The following EYS variants were observed in gnomAD, a reference collection of about 807,000 sequenced individuals.
EYS encodes the protein EGF-like photoreceptor maintenance factor.
A neutral mutation model predicts 282.1 loss-of-function variants in EYS; 250 were observed. The observed-to-expected ratio is 0.89, with a 90% CI of 0.80 to 0.98. The LOEUF is 0.98. Among genes scored for constraint, EYS ranks in the 50% least tolerant of loss-of-function variants. The pLI, the probability that EYS is intolerant of heterozygous loss-of-function variation, is 0.00. For synonymous variants in EYS, 1,355 were observed against 1,282.9 expected, an observed-to-expected ratio of 1.06 and a Z score of -1.20; for missense variants, 4,016 against 3,709.0, an observed-to-expected ratio of 1.08 and a Z score of -2.15.
intron 31 of EYS, among the ~76,000 whole-genome samples, chr6:64,152,994 T>C (rs886868326): frequency 9.2e-5 from 14 of 152,174 alleles, no homozygotes; most frequent in African/African-American, 3.4e-4. Flanking sequence ...TGCAAAGCCT[T>C]ATCTCACATC....
intron 12 of EYS, among the ~76,000 whole-genome samples, chr6:65,268,566 G>A (rs1303193002): frequency 6.6e-6 from 1 of 152,016 alleles, no homozygotes; most frequent in Non-Finnish European, 1.5e-5. Context: ...TGAAGATAGG[G>A]AGAATAATAG....
intron 1 of EYS, among the ~76,000 whole-genome samples, chr6:65,663,931 G>A (rs1204851096): frequency 6.9e-6 from 1 of 144,300 alleles, no homozygotes; most frequent in African/African-American, 2.6e-5. Flanking sequence ...GAGTGTAGTG[G>A]CGCAATCTCG....
At chr6:64,397,913 T>G (rs537691781) in intron 28 of EYS, among the ~76,000 whole-genome samples, 1 of 152,146 alleles carries the variant, frequency 6.6e-6, no homozygotes, top group Admixed American at 6.6e-5. Context: ...CTATTTTTCA[T>G]TATTATCTGT....
intron 26 of EYS, among the ~76,000 whole-genome samples, chr6:64,463,943 G>C (rs1775838752): frequency 6.6e-6 from 1 of 152,154 alleles, no homozygotes; most frequent in South Asian, 2.1e-4. Context: ...CGTGAAGCTA[G>C]CATTATCCCA....
At chr6:64,462,945 T>G (rs1260021199) in intron 26 of EYS, among the ~76,000 whole-genome samples, 1 of 134,924 alleles carries the variant, frequency 7.4e-6, no homozygotes, top group Non-Finnish European at 1.6e-5. Flanking sequence ...AGCTTTAATT[T>G]TTTTTTTTTT....
chr6:64,795,515 T>C (rs7751369), intron 22 of EYS, among the ~76,000 whole-genome samples: 11,966 of 152,252 alleles, frequency 0.079, 585 homozygotes, highest in African/African-American at 0.14. Flanking sequence ...GGACTGCTAT[T>C]GGGTACTTCA....
chr6:65,242,072 T>A (rs567719772), intron 12 of EYS, among the ~76,000 whole-genome samples: 1 of 152,254 alleles, frequency 6.6e-6, no homozygotes, highest in East Asian at 1.9e-4. Context: ...GTATAATGAC[T>A]CCATTACACT....
chr6:64,025,199 G>A, intron 33 of EYS, among the ~76,000 whole-genome samples: 1 of 73,894 alleles, frequency 1.4e-5, no homozygotes, highest in South Asian at 4.1e-4. Flanking sequence ...GGCTTTCTGG[G>A]AAAGGGCTCT....
chr6:65,664,566 G>A (rs1361797085), intron 1 of EYS, among the ~76,000 whole-genome samples: 3 of 152,064 alleles, frequency 2.0e-5, no homozygotes, highest in Admixed American at 6.6e-5. Context: ...GAAGACAATG[G>A]CATTAATAAG....
chr6:64,066,380 T>A lies in EYS; in HGVS notation c.6683A>T (p.Asn2228Ile). The change falls in exon 33 of 43, where the codon AAT becomes ATT. Residue 2228 changes from asparagine (N) to isoleucine (I), a missense_variant. By Grantham distance (149) the Asn-to-Ile change is moderately radical (BLOSUM62 -3). Transcript: ENST00000503581. Reference protein sequence around the residue: ...NSQNILTVSANYSINTNAFTP... With the variant: ...NSQNILTVSAIYSINTNAFTP... ...GAATGCATTTGTGTTAATGCTGTAATTAGCAGAAACAGTCAAAATATTTTG... is the reference window on the plus strand; with the variant it reads ...GAATGCATTTGTGTTAATGCTGTAAATAGCAGAAACAGTCAAAATATTTTG... 1 of 1,551,608 alleles carries A rather than the reference T, an allele frequency of 6.4e-7. No individual in the cohort carries two copies. Among genetic ancestry groups the A allele is most frequent in the Non-Finnish European group, 8.7e-7 (1 of 1,146,714 alleles).
At chr6:64,940,612 G>A (rs1769056933) in intron 15 of EYS, among the ~76,000 whole-genome samples, 1 of 151,974 alleles carries the variant, frequency 6.6e-6, no homozygotes, top group Non-Finnish European at 1.5e-5. Context: ...TCACAAAAAT[G>A]TCTCTGGGTC....
At chr6:64,431,698 T>C (rs151158850) in intron 28 of EYS, among the ~76,000 whole-genome samples, 1,756 of 152,252 alleles carry the variant, frequency 0.012, 14 homozygotes, top group Middle Eastern at 0.024. Context: ...ACTGTGGCAT[T>C]TGATGACCTA....
chr6:65,151,027 A>G (rs889250883), intron 12 of EYS, among the ~76,000 whole-genome samples: 4 of 152,052 alleles, frequency 2.6e-5, no homozygotes, highest in African/African-American at 9.7e-5. Context: ...TTGAGTTTAC[A>G]ATATTTGATA....
chr6:65,460,609 C>T (rs1403442387), intron 5 of EYS, among the ~76,000 whole-genome samples: 2 of 151,954 alleles, frequency 1.3e-5, no homozygotes, highest in African/African-American at 2.4e-5. Context: ...TTCATGCTGA[C>T]GTAGAGCCAA....
chr6:65,544,346 T>C (rs565316212), intron 2 of EYS, among the ~76,000 whole-genome samples: 1 of 152,310 alleles, frequency 6.6e-6, no homozygotes, highest in East Asian at 1.9e-4. Flanking sequence ...CCGGTAACTT[T>C]GGCTAAAATT....
At chr6:65,138,160 G>C (rs1448001348) in intron 12 of EYS, among the ~76,000 whole-genome samples, 1 of 152,042 alleles carries the variant, frequency 6.6e-6, no homozygotes, top group Admixed American at 6.6e-5. Flanking sequence ...GAGAGGATTT[G>C]AGTCCTATTG....
intron 22 of EYS, among the ~76,000 whole-genome samples, chr6:64,792,167 G>C (rs1326159472): frequency 1.3e-5 from 2 of 151,650 alleles, no homozygotes; most frequent in Non-Finnish European, 3.0e-5. Context: ...ATGTCAGGTG[G>C]ATATAACTTG....
At chr6:63,863,267 T>A (rs1358216509) in intron 36 of EYS, among the ~76,000 whole-genome samples, 1 of 152,238 alleles carries the variant, frequency 6.6e-6, no homozygotes, top group African/African-American at 2.4e-5. Flanking sequence ...CTACACACAT[T>A]TATGTATATC....
At chr6:64,390,220 C>A (rs533437035) in intron 28 of EYS, among the ~76,000 whole-genome samples, 1 of 152,266 alleles carries the variant, frequency 6.6e-6, no homozygotes, top group Non-Finnish European at 1.5e-5. Flanking sequence ...ATTGCCCAGG[C>A]TTGATTAGGT....
Sources: gnomAD v4.1 joint callset for allele counts (sites outside exome capture counted in the v4.1 genomes callset) on GRCh38, gnomAD v4.1.1 for gene constraint, MANE v1.5 for transcripts, NCBI Gene and HGNC (gene_info 2026-07-23, HGNC 2026-07-21) for gene names.